Variants in KCNIP4 observed in about 807,000 individuals in gnomAD.
KCNIP4 encodes the protein potassium voltage-gated channel interacting protein 4, also known as Kv channel-interacting protein 4.
Under a neutral mutation model 34.0 loss-of-function variants are expected in KCNIP4, and 12 were observed. The observed-to-expected ratio is 0.35, with a 90% CI of 0.23 to 0.57. The LOEUF (loss-of-function observed/expected upper bound fraction) is 0.57. Ranked by LOEUF, KCNIP4 falls within the 20% of genes least tolerant of loss-of-function variation. The pLI, the probability that KCNIP4 is intolerant of heterozygous loss-of-function variation, is 0.83. For missense variants in KCNIP4, 238 were observed against 311.7 expected (o/e 0.76, Z 1.78); for synonymous variants, 124 against 102.2 (o/e 1.21, Z -1.29).
At chr4:21,445,690 A>T (rs1727919297) in intron 1 of KCNIP4, among the ~76,000 whole-genome samples, 1 of 152,196 alleles carries the variant, frequency 6.6e-6, no homozygotes, top group African/African-American at 2.4e-5. Flanking sequence ...AACCTAGGCA[A>T]TACCATTCAG....
chr4:21,303,804 T>C, intron 1 of KCNIP4: 1 of 1,613,084 alleles, frequency 6.2e-7, no homozygotes, highest in East Asian at 2.2e-5. Context: ...AGCACTCCCT[T>C]ACCTTCTAAA....
chr4:20,882,415 TGTCA>T (rs1328850482), intron 2 of KCNIP4, among the ~76,000 whole-genome samples, 189 bp downstream of exon 2: 1 of 152,194 alleles, frequency 6.6e-6, no homozygotes, highest in African/African-American at 2.4e-5. Flanking sequence ...AAGACTGTGC[TGTCA>T]GTCTGCAAAA....
chr4:21,310,040 GTTTT>G (rs1012220291), intron 1 of KCNIP4, among the ~76,000 whole-genome samples: 61 of 151,938 alleles, frequency 4.0e-4, no homozygotes, highest in Non-Finnish European at 1.0e-4. Context: ...ATATTTTTTG[GTTTT>G]TTTGAGACAA....
At chr4:21,428,389 T>C (rs1259467291) in intron 1 of KCNIP4, among the ~76,000 whole-genome samples, 1 of 152,126 alleles carries the variant, frequency 6.6e-6, no homozygotes, top group Non-Finnish European at 1.5e-5. Context: ...GAGGGAGGCA[T>C]AAAAGTCAAC....
intron 1 of KCNIP4, among the ~76,000 whole-genome samples, chr4:21,519,721 C>CACGTGTGTGTATGTATGTGTATATAT (rs1735300566): frequency 1.7e-5 from 2 of 118,150 alleles, no homozygotes; most frequent in Admixed American, 1.8e-4. Flanking sequence ...TGTATATATA[C>CACGTGTGTGTATGTATGTGTATATAT]ACACGTGTGT....
intron 1 of KCNIP4, among the ~76,000 whole-genome samples, chr4:21,149,753 A>G (rs1240623526): frequency 6.6e-6 from 1 of 152,174 alleles, no homozygotes; most frequent in Non-Finnish European, 1.5e-5. Flanking sequence ...AGTAAAGAAA[A>G]GAGGACGATG....
chr4:21,053,817 T>C (rs1743149405), intron 1 of KCNIP4, among the ~76,000 whole-genome samples: 1 of 152,134 alleles, frequency 6.6e-6, no homozygotes, highest in South Asian at 2.1e-4. Context: ...ATGTACAAGA[T>C]CTATATGAGG....
chr4:21,715,103 T>G (rs28375719), intron 1 of KCNIP4, among the ~76,000 whole-genome samples: 1 of 29,320 alleles, frequency 3.4e-5, no homozygotes, highest in Non-Finnish European at 5.4e-5. Context: ...ATTTTTGAGA[T>G]GGAGTCTGGC....
intron 1 of KCNIP4, among the ~76,000 whole-genome samples, chr4:20,999,265 G>C (rs1737841379): frequency 6.6e-6 from 1 of 152,132 alleles, no homozygotes; most frequent in Non-Finnish European, 1.5e-5. Flanking sequence ...AGTTTCCTGA[G>C]TGAGTGTGTT....
At chr4:20,823,549 A>G (rs1200107884) in intron 3 of KCNIP4, among the ~76,000 whole-genome samples, 3 of 152,058 alleles carry the variant, frequency 2.0e-5, no homozygotes, top group African/African-American at 7.2e-5. Context: ...TAGTGCAGTT[A>G]TAAAAAGACA....
chr4:20,994,633 C>G (rs866826064), intron 1 of KCNIP4, among the ~76,000 whole-genome samples: 3 of 152,210 alleles, frequency 2.0e-5, no homozygotes, highest in Non-Finnish European at 4.4e-5. Flanking sequence ...TAGAACCCTA[C>G]AGTACCCAGA....
chr4:21,027,095 A>G (rs1740621293), intron 1 of KCNIP4, among the ~76,000 whole-genome samples: 1 of 152,224 alleles, frequency 6.6e-6, no homozygotes, highest in Non-Finnish European at 1.5e-5. Context: ...TGGATAGATC[A>G]GTTTCTTAAG....
intron 1 of KCNIP4, among the ~76,000 whole-genome samples, chr4:20,919,201 A>C (rs1357351983): frequency 1.3e-5 from 2 of 152,130 alleles, no homozygotes; most frequent in Non-Finnish European, 2.9e-5. Context: ...GGCAGACCTG[A>C]GTTTCAATCT....
intron 1 of KCNIP4, among the ~76,000 whole-genome samples, chr4:21,541,423 T>A (rs1737684458): frequency 6.6e-6 from 1 of 152,140 alleles, no homozygotes; most frequent in African/African-American, 2.4e-5. Flanking sequence ...GTCTTAAACT[T>A]GAGCCAGGCA....
intron 3 of KCNIP4, among the ~76,000 whole-genome samples, chr4:20,760,879 T>C (rs182467926): frequency 6.6e-6 from 1 of 152,254 alleles, no homozygotes; most frequent in African/African-American, 2.4e-5. Context: ...TGATGGTTGA[T>C]TTTATGTGTT....
chr4:21,026,861 G>T (rs892850650), intron 1 of KCNIP4, among the ~76,000 whole-genome samples: 2 of 152,224 alleles, frequency 1.3e-5, no homozygotes, highest in South Asian at 4.2e-4. Flanking sequence ...TCATAGTCAC[G>T]TGAGTGTGTC....
At chr4:20,798,825 A>C (rs2149414064) in intron 3 of KCNIP4, among the ~76,000 whole-genome samples, 1 of 152,286 alleles carries the variant, frequency 6.6e-6, no homozygotes, top group Admixed American at 6.5e-5. Context: ...AGACTCCTAC[A>C]GTCCTCACAA....
At chr4:21,085,062 A>T (rs971824391) in intron 1 of KCNIP4, among the ~76,000 whole-genome samples, 1 of 152,218 alleles carries the variant, frequency 6.6e-6, no homozygotes, top group East Asian at 1.9e-4. Flanking sequence ...ACCACATTGT[A>T]TGGACTCAAT....
rs1722500758 is a variant in KCNIP4 at position 21,823,578 on chromosome 4, A to G, written c.61+124993T>C. Among the ~76,000 whole-genome samples the G allele has an allele frequency of 2.6e-5, 4 of 151,912 alleles. No homozygotes were observed. The South Asian group carries it at 8.3e-4, about 32-fold the overall frequency. On this transcript the variant is annotated intron_variant, in intron 1 of 8. Transcript: ENST00000382152. ...TCTCAATACACTGGTACATTTTTTA[A>G]GAAAAGATTCTTGCTCCCCACCCCA... is the stretch of plus-strand genomic sequence containing the variant.
Sources: gnomAD v4.1 joint callset for allele counts (sites outside exome capture counted in the v4.1 genomes callset) on GRCh38, gnomAD v4.1.1 for gene constraint, MANE v1.5 for transcripts, NCBI Gene and HGNC (gene_info 2026-07-23, HGNC 2026-07-21) for gene names.